Variants in USP37 observed in about 807,000 individuals in gnomAD.
The protein encoded by USP37 is ubiquitin carboxyl-terminal hydrolase 37.
In USP37, 27 loss-of-function variants were observed where a neutral mutation model predicts 124.0. The observed-to-expected ratio is 0.22, with a 90% confidence interval of 0.16 to 0.30. The LOEUF (loss-of-function observed/expected upper bound fraction) is 0.30, where lower values mean the gene tolerates loss of function less well. Ranked by LOEUF, USP37 falls within the 10% of genes least tolerant of loss-of-function variation. The pLI is 1.00. For missense variants in USP37, 889 were observed against 1,140.4 expected, an observed-to-expected ratio of 0.78 and a Z score of 3.17; for synonymous variants, 365 against 388.0, an observed-to-expected ratio of 0.94 and a Z score of 0.70.
Position 218,560,805 on chromosome 2 carries a change from T to A in USP37, c.-25+15A>T, listed in dbSNP as rs1693266305. ...CAAATTTATTTTTAACAGCTACAAA[T>A]CAAACAAAACTCACCTACAGGCAGG... On this transcript the variant is annotated intron_variant, in intron 3 of 25. Transcript: ENST00000258399. 1 of 152,156 alleles carries A rather than the reference T, an allele frequency of 6.6e-6. No homozygotes were observed. The highest frequency in any genetic ancestry group is 1.5e-5 in the Non-Finnish European group (1 of 68,030). 9.4% of individuals were successfully genotyped at this position (152,156 alleles called of 1,614,324 possible). A position where few individuals can be genotyped will look rare whatever the true frequency, so the allele number is the denominator to read the frequency against.
chr2:218,460,533 TATATG>T (rs1394830546), intron 22 of USP37, among the ~76,000 whole-genome samples: 1 of 152,216 alleles, frequency 6.6e-6, no homozygotes, highest in Non-Finnish European at 1.5e-5. Flanking sequence ...CACTAAATTC[TATATG>T]ATATAAGCTA....
At chr2:218,485,608 T>C in intron 16 of USP37, 56 bp downstream of exon 16, 3 of 1,458,532 alleles carry the variant, frequency 2.1e-6, no homozygotes, top group Admixed American at 5.3e-5. Context: ...AGCAATTAAA[T>C]GTACCTGGGA....
At chr2:218,491,017 G>A (rs760963193) in intron 14 of USP37, among the ~76,000 whole-genome samples, 5 of 152,144 alleles carry the variant, frequency 3.3e-5, no homozygotes, top group African/African-American at 9.7e-5. Context: ...GGGACTACAG[G>A]TGTGCACCAC....
chr2:218,464,387 G>A (rs926980132), intron 21 of USP37, among the ~76,000 whole-genome samples: 2 of 152,080 alleles, frequency 1.3e-5, no homozygotes, highest in Non-Finnish European at 2.9e-5. Context: ...ACAGGCGCAC[G>A]CCACCACAGC....
At chr2:218,538,404 T>C (rs1691777396) in intron 8 of USP37, among the ~76,000 whole-genome samples, 1 of 152,180 alleles carries the variant, frequency 6.6e-6, no homozygotes, top group Non-Finnish European at 1.5e-5. Flanking sequence ...AAGAGGCATA[T>C]GGACAGACTT....
At chr2:218,529,921 C>T (rs755520238) in intron 10 of USP37, 35 bp downstream of exon 10, 12 of 1,524,784 alleles carry the variant, frequency 7.9e-6, no homozygotes, top group Non-Finnish European at 1.1e-5. Context: ...AAAAGAACTC[C>T]TAAGTTTTTC....
chr2:218,468,968 T>C (rs1690524009), intron 20 of USP37, among the ~76,000 whole-genome samples: 1 of 152,182 alleles, frequency 6.6e-6, no homozygotes, highest in African/African-American at 2.4e-5. Flanking sequence ...GCTGGGATTA[T>C]AGGTGTGAGC....
intron 22 of USP37, among the ~76,000 whole-genome samples, chr2:218,462,128 G>C (rs911214783): frequency 1.3e-5 from 2 of 151,740 alleles, no homozygotes; most frequent in Admixed American, 6.6e-5. Context: ...TTGCACTCCA[G>C]CCTCGGCAAC....
chr2:218,484,730 A>G (rs1477222159), intron 16 of USP37, among the ~76,000 whole-genome samples: 5 of 152,170 alleles, frequency 3.3e-5, no homozygotes, highest in Non-Finnish European at 7.3e-5. Flanking sequence ...TCTAGGGGCT[A>G]GGTTCCAGAA....
chr2:218,529,630 CTT>C (rs931514217), intron 10 of USP37, among the ~76,000 whole-genome samples: 1 of 151,050 alleles, frequency 6.6e-6, no homozygotes, highest in African/African-American at 2.4e-5. Flanking sequence ...GATCTTGTCT[CTT>C]TTTTTTTGAG....
chr2:218,518,281 G>A (rs1038682955), intron 10 of USP37, among the ~76,000 whole-genome samples: 4 of 152,064 alleles, frequency 2.6e-5, no homozygotes, highest in Non-Finnish European at 5.9e-5. Context: ...TAATTTCACA[G>A]TTTAAGGTTT....
chr2:218,487,111 G>C (rs1382130307), intron 15 of USP37, among the ~76,000 whole-genome samples: 1 of 152,136 alleles, frequency 6.6e-6, no homozygotes, highest in African/African-American at 2.4e-5. Flanking sequence ...GATCAAGGGG[G>C]AATCGATTCT....
At chr2:218,560,952 T>C (rs1693273791) in intron 2 of USP37, 69 bp from the exon 3 acceptor site, 2 of 152,224 alleles carry the variant, frequency 1.3e-5, no homozygotes, top group African/African-American at 4.8e-5. Flanking sequence ...ATAAGTACTC[T>C]ATTATTATTC....
intron 7 of USP37, 75 bp from the exon 8 acceptor site, chr2:218,546,373 G>T: frequency 1.0e-6 from 1 of 988,970 alleles, no homozygotes; most frequent in Non-Finnish European, 1.5e-6. Context: ...TCAACATACT[G>T]AAGGACAGGA....
chr2:218,506,113 C>T (rs1456444574), intron 11 of USP37, among the ~76,000 whole-genome samples: 1 of 152,010 alleles, frequency 6.6e-6, no homozygotes, highest in East Asian at 1.9e-4. Flanking sequence ...ATCTACCCAC[C>T]TCTGCCTCCC....
rs940635743 is a variant in USP37 at position 218,451,472 on chromosome 2, T to C, written c.*3458A>G. 1 of 152,192 alleles carries C rather than the reference T, an allele frequency of 6.6e-6. No individual in the cohort carries two copies. The highest frequency in any genetic ancestry group is 2.1e-4 in the South Asian group (1 of 4,828). The allele number at this position is 152,192 out of a possible 1,614,324, so 9.4% of individuals were successfully genotyped here. A position where few individuals can be genotyped will look rare whatever the true frequency, so the allele number is the denominator to read the frequency against. ...TTTCAGAGGACAGAGAAGGAAAATA[T>C]TTTAATTTGCTTTAATATAACCTCT... On this transcript the variant is annotated 3_prime_UTR_variant, in exon 26 of 26. Coordinates refer to ENST00000258399, the MANE Select transcript of USP37 (RefSeq NM_020935.3).
chr2:218,452,428 A>C lies in USP37; in HGVS notation c.*2502T>G, dbSNP rs1689510461. On this transcript the variant is annotated 3_prime_UTR_variant, in exon 26 of 26. Coordinates refer to ENST00000258399, the MANE Select transcript of USP37 (RefSeq NM_020935.3). ...ATACAGCCAGCTCAAAAACAACAAC[A>C]AACCCCATCAACATAGTCCAGCTGA... is the stretch of plus-strand genomic sequence containing the variant. The C allele has an allele frequency of 6.6e-6, 1 of 152,154 alleles. No homozygotes were observed. The highest frequency in any genetic ancestry group is 2.1e-4 in the South Asian group (1 of 4,826). The allele number at this position is 152,154 out of a possible 1,614,324, so 9.4% of individuals were successfully genotyped here. A position where few individuals can be genotyped will look rare whatever the true frequency, so the allele number is the denominator to read the frequency against.
chr2:218,459,350 G>A (rs570849506), intron 23 of USP37, among the ~76,000 whole-genome samples: 222 of 152,200 alleles, frequency 1.5e-3, no homozygotes, highest in Non-Finnish European at 2.7e-3. Context: ...GATTACAGGC[G>A]TGTGCCACCA....
intron 6 of USP37, among the ~76,000 whole-genome samples, chr2:218,548,333 A>AAT (rs1692479554): frequency 6.6e-6 from 1 of 152,134 alleles, no homozygotes; most frequent in Non-Finnish European, 1.5e-5. Context: ...CATAGTAACA[A>AAT]ATATATATAT....
Sources: gnomAD v4.1 joint callset for allele counts (sites outside exome capture counted in the v4.1 genomes callset) on GRCh38, gnomAD v4.1.1 for gene constraint, MANE v1.5 for transcripts, NCBI Gene and HGNC (gene_info 2026-07-23, HGNC 2026-07-21) for gene names.